The following KCNQ5 variants were observed in gnomAD, a reference collection of about 807,000 sequenced individuals.
KCNQ5 encodes potassium voltage-gated channel subfamily KQT member 5.
KCNQ5 carries 30 observed loss-of-function variants against 98.2 expected under a neutral mutation model. The ratio of observed to expected loss-of-function variants is 0.31; its 90% CI spans 0.23 to 0.41. The LOEUF is 0.41. Among genes scored for constraint, KCNQ5 ranks in the 10% least tolerant of loss-of-function variants. The probability of loss-of-function intolerance (pLI) is 1.00; values close to 1 mark genes in which losing one functional copy is unlikely to be tolerated. For missense variants in KCNQ5, 835 were observed against 1,182.5 expected, an observed-to-expected ratio of 0.71 and a Z score of 4.31; for synonymous variants, 458 against 449.4, an observed-to-expected ratio of 1.02 and a Z score of -0.24.
chr6:72,672,998 G>A lies in KCNQ5; in HGVS notation c.398+50411G>A, dbSNP rs370384252. 5.3e-5 allele frequency among the ~76,000 whole-genome samples: 8 copies of A among 152,318 alleles called. No individual in the cohort carries two copies. The East Asian group carries it at 1.5e-3, about 29-fold the overall frequency. On this transcript the variant is annotated intron_variant, in intron 1 of 13. Coordinates refer to ENST00000370398, the MANE Select transcript of KCNQ5 (RefSeq NM_019842.4). The stretch of plus-strand genomic sequence containing the variant: ...TCCAGTGAGCTAATACTGATGACCA[G>A]ACTAGGAGAGTTCAGCATGAGTTAT...
chr6:73,117,360 T>C (rs1410172222), intron 7 of KCNQ5, among the ~76,000 whole-genome samples: 1 of 152,218 alleles, frequency 6.6e-6, no homozygotes, highest in East Asian at 1.9e-4. Context: ...ATGTGACAGA[T>C]GCCACCTGCA....
chr6:72,924,942 A>G (rs1780562917), intron 1 of KCNQ5, among the ~76,000 whole-genome samples: 1 of 152,224 alleles, frequency 6.6e-6, no homozygotes, highest in Admixed American at 6.5e-5. Context: ...TTACTGTTCA[A>G]TTAGTTCTTC....
intron 3 of KCNQ5, among the ~76,000 whole-genome samples, chr6:73,067,191 A>G (rs1773091828): frequency 6.6e-6 from 1 of 152,118 alleles, no homozygotes; most frequent in Non-Finnish European, 1.5e-5. Flanking sequence ...TCTATGACAT[A>G]AAAGCTACCA....
chr6:72,864,979 T>C (rs946924689), intron 1 of KCNQ5, among the ~76,000 whole-genome samples: 4 of 152,228 alleles, frequency 2.6e-5, no homozygotes, highest in Non-Finnish European at 4.4e-5. Context: ...TTGCTTTAAA[T>C]ATAGTTCATG....
intron 1 of KCNQ5, among the ~76,000 whole-genome samples, chr6:72,895,416 C>G (rs917196519): frequency 3.3e-5 from 5 of 151,724 alleles, no homozygotes; most frequent in African/African-American, 1.2e-4. Context: ...CCCAAAACAT[C>G]TGATTAACAA....
At chr6:72,717,996 T>C (rs1268779089) in intron 1 of KCNQ5, among the ~76,000 whole-genome samples, 1 of 152,150 alleles carries the variant, frequency 6.6e-6, no homozygotes, top group African/African-American at 2.4e-5. Flanking sequence ...CCAAACATCA[T>C]ATGCCAGTCA....
intron 1 of KCNQ5, 127 bp from the exon 2 acceptor site, chr6:73,003,781 C>T (rs1769698888): frequency 3.2e-6 from 2 of 628,522 alleles, no homozygotes; most frequent in Non-Finnish European, 5.6e-6. Context: ...TAGTCCCTTC[C>T]AGAGTTTTTA....
At chr6:72,708,719 G>T (rs1256721558) in intron 1 of KCNQ5, among the ~76,000 whole-genome samples, 1 of 151,920 alleles carries the variant, frequency 6.6e-6, no homozygotes, top group African/African-American at 2.4e-5. Flanking sequence ...ACGGTGTCTG[G>T]CCATGTTGCC....
At chr6:73,157,520 A>G in intron 10 of KCNQ5, 1 of 722,236 alleles carries the variant, frequency 1.4e-6, no homozygotes, top group Non-Finnish European at 2.6e-6. Context: ...TGAAGAACTA[A>G]CAGAACTGAC....
chr6:73,157,589 A>T (rs1777418202), intron 10 of KCNQ5: 1 of 768,310 alleles, frequency 1.3e-6, no homozygotes, highest in Admixed American at 1.8e-5. Flanking sequence ...CCTGGCATGG[A>T]GGGCGGCGGC....
chr6:73,145,362 AG>A (rs1211882640), intron 10 of KCNQ5, among the ~76,000 whole-genome samples: 1 of 152,240 alleles, frequency 6.6e-6, no homozygotes, highest in Non-Finnish European at 1.5e-5. Context: ...CTAAGTTCAA[AG>A]CTTTTTATGT....
chr6:73,085,772 ACTTGGCTGTGTCC>A (rs1483138356), intron 5 of KCNQ5, among the ~76,000 whole-genome samples: 2 of 152,196 alleles, frequency 1.3e-5, no homozygotes, highest in African/African-American at 4.8e-5. Context: ...GCACATTGTC[ACTTGGCTGTGTCC>A]CATTCTTCAG....
chr6:72,716,524 T>C (rs570989241), intron 1 of KCNQ5, among the ~76,000 whole-genome samples: 1 of 152,360 alleles, frequency 6.6e-6, no homozygotes, highest in Admixed American at 6.5e-5. Flanking sequence ...GGCTTCTTCA[T>C]GGCCTTTAAT....
intron 1 of KCNQ5, among the ~76,000 whole-genome samples, chr6:72,867,970 CTAATAA>C (rs1210863226): frequency 1.4e-5 from 2 of 146,746 alleles, no homozygotes; most frequent in African/African-American, 5.0e-5. Flanking sequence ...ACTACTACTA[CTAATAA>C]TAATAATAAT....
intron 1 of KCNQ5, among the ~76,000 whole-genome samples, chr6:72,853,073 C>T (rs1445838284): frequency 6.6e-6 from 1 of 152,084 alleles, no homozygotes; most frequent in East Asian, 1.9e-4. Context: ...TAGCACACCA[C>T]CAATTTATCC....
chr6:73,167,354 G>A (rs1777843336), intron 10 of KCNQ5, among the ~76,000 whole-genome samples: 1 of 152,182 alleles, frequency 6.6e-6, no homozygotes, highest in African/African-American at 2.4e-5. Flanking sequence ...CTGACATATT[G>A]TAGTCACAAT....
chr6:73,050,342 A>C (rs2150365022), intron 3 of KCNQ5, among the ~76,000 whole-genome samples: 2 of 144,770 alleles, frequency 1.4e-5, no homozygotes, highest in South Asian at 2.3e-4. Context: ...GAGGGAGGGA[A>C]GGAGGGAGGG....
At chr6:73,115,525 A>C (rs927419834) in intron 7 of KCNQ5, among the ~76,000 whole-genome samples, 2 of 152,208 alleles carry the variant, frequency 1.3e-5, no homozygotes, top group Admixed American at 6.5e-5. Flanking sequence ...GGGGATCCTA[A>C]ATGCTTTCTG....
At chr6:72,769,190 T>A (rs1772733923) in intron 1 of KCNQ5, among the ~76,000 whole-genome samples, 1 of 152,078 alleles carries the variant, frequency 6.6e-6, no homozygotes, top group East Asian at 1.9e-4. Flanking sequence ...TACCAATACA[T>A]GAATAGAGAA....
Sources: allele counts gnomAD v4.1 joint callset (sites outside exome capture counted in the v4.1 genomes callset), GRCh38; gene constraint gnomAD v4.1.1; transcripts MANE v1.5; gene names NCBI Gene and HGNC (gene_info 2026-07-23, HGNC 2026-07-21).